PHB1: variants seen among roughly 807,000 people sequenced by gnomAD.
The protein encoded by PHB1 is epididymis luminal protein 215.
the PHB1 span, among the ~76,000 whole-genome samples, chr17:49,408,314 C>T: frequency 1.3e-5 from 2 of 152,148 alleles, no homozygotes; most frequent in Non-Finnish European, 2.9e-5. Context: ...TAGCAATGCA[C>T]GGGAGAACTG....
chr17:49,414,874 AC>A, the PHB1 span: 2 of 152,126 alleles, frequency 1.3e-5, no homozygotes, highest in African/African-American at 4.8e-5. Flanking sequence ...CCCCAACCAC[AC>A]ATACTGCGCA....
At chr17:49,409,541 TTG>T in the PHB1 span, 117 of 1,057,002 alleles carry the variant, frequency 1.1e-4, no homozygotes, top group Admixed American at 2.5e-4. Context: ...TGTTTTTTTT[TTG>T]TTTTTTTTTT....
the PHB1 span, chr17:49,406,932 GGAA>G: frequency 3.0e-6 from 3 of 986,636 alleles, no homozygotes; most frequent in Admixed American, 5.3e-5. Context: ...CATGGCCGCT[GGAA>G]GAAGAGGCCA....
At chr17:49,413,786 G>A in the PHB1 span, among the ~76,000 whole-genome samples, 10 of 152,042 alleles carry the variant, frequency 6.6e-5, no homozygotes, top group African/African-American at 1.7e-4. Context: ...TGGGATTACA[G>A]GCATGAGCCA....
the PHB1 span, chr17:49,406,864 G>A: frequency 6.3e-7 from 1 of 1,597,960 alleles, no homozygotes; most frequent in Non-Finnish European, 8.6e-7. Flanking sequence ...TCTAAGGGGA[G>A]AGAGTGAGCA....
At chr17:49,406,265 A>G in the PHB1 span, among the ~76,000 whole-genome samples, 1 of 152,226 alleles carries the variant, frequency 6.6e-6, no homozygotes, top group Non-Finnish European at 1.5e-5. Context: ...GGGGACAACA[A>G]TAAATGAACA....
At chr17:49,408,257 G>A in the PHB1 span, among the ~76,000 whole-genome samples, 2 of 152,212 alleles carry the variant, frequency 1.3e-5, no homozygotes, top group African/African-American at 4.8e-5. Flanking sequence ...TTGTCAAGTG[G>A]CTGTTTAAAC....
At chr17:49,409,701 C>T in the PHB1 span, among the ~76,000 whole-genome samples, 1 of 151,818 alleles carries the variant, frequency 6.6e-6, no homozygotes, top group Non-Finnish European at 1.5e-5. Flanking sequence ...GCCGCCACAC[C>T]CAGCTGTTTT....
At chr17:49,408,937 G>A in the PHB1 span, 1 of 727,308 alleles carries the variant, frequency 1.4e-6, no homozygotes, top group Admixed American at 2.4e-5. Flanking sequence ...CTCACATCTA[G>A]CAAAGCAGAA....
chr17:49,412,992 T>C, the PHB1 span: 7 of 559,264 alleles, frequency 1.3e-5, no homozygotes, highest in African/African-American at 5.7e-5. Flanking sequence ...AGAGAACCTA[T>C]GACTGAAAGG....
the PHB1 span, chr17:49,414,308 TG>T: frequency 6.6e-6 from 1 of 151,754 alleles, no homozygotes; most frequent in Non-Finnish European, 1.5e-5. Context: ...AAGCAGGAGC[TG>T]GATGACATCC....
the PHB1 span, among the ~76,000 whole-genome samples, chr17:49,408,133 G>A: frequency 6.6e-6 from 1 of 152,204 alleles, no homozygotes; most frequent in Admixed American, 6.5e-5. Context: ...TACGAGGGAA[G>A]GGCCCACAGA....
the PHB1 span, among the ~76,000 whole-genome samples, chr17:49,405,483 T>C: frequency 6.6e-6 from 1 of 152,276 alleles, no homozygotes; most frequent in East Asian, 1.9e-4. Flanking sequence ...TTAATATTAA[T>C]TGCAATCTAG....
At chr17:49,408,406 C>T in the PHB1 span, among the ~76,000 whole-genome samples, 1 of 152,338 alleles carries the variant, frequency 6.6e-6, no homozygotes, top group Non-Finnish European at 1.5e-5. Flanking sequence ...CGACCCCTTC[C>T]CCTCACCCTC....
At chr17:49,411,731 A>G in the PHB1 span, 2 of 1,614,134 alleles carry the variant, frequency 1.2e-6, no homozygotes, top group Non-Finnish European at 1.7e-6. Context: ...GCAGTCAAAG[A>G]TAATTGGTTT....
chr17:49,414,848 G>T, the PHB1 span: 44 of 152,522 alleles, frequency 2.9e-4, no homozygotes, highest in African/African-American at 1.0e-3. Context: ...CTTCCACTCT[G>T]ACCTCCACAT....
At chr17:49,406,104 A>T in the PHB1 span, among the ~76,000 whole-genome samples, 22 of 152,198 alleles carry the variant, frequency 1.4e-4, no homozygotes, top group Non-Finnish European at 3.1e-4. Flanking sequence ...GACTTATTAT[A>T]ATCTCTGAAG....
the PHB1 span, chr17:49,409,281 C>T: frequency 3.1e-6 from 5 of 1,608,200 alleles, no homozygotes; most frequent in Non-Finnish European, 4.3e-6. Flanking sequence ...ACCTGGCACC[C>T]TCCCAGGGTG....
chr17:49,407,148 C>CT, the PHB1 span: 1 of 367,642 alleles, frequency 2.7e-6, no homozygotes, highest in Non-Finnish European at 5.2e-6. Flanking sequence ...CAGAAGGTAT[C>CT]TACTCAATCG....
Sources: allele counts gnomAD v4.1 joint callset (sites outside exome capture counted in the v4.1 genomes callset), GRCh38; gene constraint gnomAD v4.1.1; transcripts MANE v1.5; gene names NCBI Gene and HGNC (gene_info 2026-07-23, HGNC 2026-07-21).